Variants in LRIG1 observed in about 807,000 individuals in gnomAD.
The protein encoded by LRIG1 is leucine-rich repeats and immunoglobulin-like domains protein 1.
LRIG1 carries 48 observed loss-of-function variants against 99.2 expected under a neutral mutation model. That is an observed-to-expected ratio of 0.48 (90% CI 0.38 to 0.62). The LOEUF (loss-of-function observed/expected upper bound fraction) is 0.62. Among genes scored for constraint, LRIG1 ranks in the 20% least tolerant of loss-of-function variants. The pLI, the probability that LRIG1 is intolerant of heterozygous loss-of-function variation, is 0.00. For missense variants in LRIG1, 1,646 were observed against 1,434.4 expected, an observed-to-expected ratio of 1.15 and a Z score of -2.38; for synonymous variants, 772 against 596.1, an observed-to-expected ratio of 1.29 and a Z score of -4.30.
chr3:66,438,483 T>A (rs968990527), intron 3 of LRIG1, among the ~76,000 whole-genome samples: 1 of 151,968 alleles, frequency 6.6e-6, no homozygotes, highest in Non-Finnish European at 1.5e-5. Flanking sequence ...GGAACAGAAG[T>A]CACAAAGAGA....
intron 3 of LRIG1, among the ~76,000 whole-genome samples, chr3:66,444,430 A>C (rs1703649590): frequency 6.6e-6 from 1 of 152,204 alleles, no homozygotes; most frequent in Non-Finnish European, 1.5e-5. Context: ...CCACTGTCCC[A>C]AACAAATGCC....
intron 4 of LRIG1, among the ~76,000 whole-genome samples, chr3:66,415,661 A>G (rs1229787600): frequency 6.6e-6 from 1 of 152,202 alleles, no homozygotes; most frequent in African/African-American, 2.4e-5. Context: ...TGGTACCTAC[A>G]CTTACAGCGT....
At chr3:66,496,354 G>A (rs1043491560) in intron 1 of LRIG1, among the ~76,000 whole-genome samples, 1 of 152,048 alleles carries the variant, frequency 6.6e-6, no homozygotes, top group Non-Finnish European at 1.5e-5. Context: ...TAGATATTAC[G>A]GCCACAATTT....
In LRIG1 at chr3:66,416,954, G is replaced by A. The variant is rs76048422; in HGVS notation, c.503+175C>T. 3.0e-3 allele frequency among the ~76,000 whole-genome samples: 452 copies of A among 152,350 alleles called. 2 individuals carry two copies. Among genetic ancestry groups the A allele is most frequent in the African/African-American group, 0.011 (437 of 41,576 alleles). On this transcript the variant is annotated intron_variant, in intron 4 of 18. Transcript: ENST00000273261. ...CAGGATCTGGACGTGCTCTATGCAT[G>A]GGGCTCGCCCCTGCCCTGCTCAGGG...
chr3:66,382,885 T>G, intron 15 of LRIG1, 97 bp downstream of exon 15: 2 of 1,112,088 alleles, frequency 1.8e-6, no homozygotes, highest in South Asian at 1.6e-5. Context: ...CTGAACACAG[T>G]GCAATTCTTT....
intron 3 of LRIG1, 24 bp from the exon 4 acceptor site, chr3:66,417,290 C>G (rs1027241244): frequency 1.2e-6 from 2 of 1,602,426 alleles, no homozygotes; most frequent in African/African-American, 2.7e-5. Context: ...AGGGAGGTGA[C>G]TTGAGCATCT....
chr3:66,440,842 C>A (rs188285899), intron 3 of LRIG1, among the ~76,000 whole-genome samples: 1 of 152,296 alleles, frequency 6.6e-6, no homozygotes, highest in East Asian at 1.9e-4. Flanking sequence ...CCTGAGAGAA[C>A]CTGCCCAGGT....
intron 11 of LRIG1, 44 bp from the exon 12 acceptor site, chr3:66,394,247 G>A: frequency 1.3e-6 from 2 of 1,504,372 alleles, no homozygotes; most frequent in South Asian, 2.7e-5. Context: ...CAGCCGCAAA[G>A]GAGGGACACT....
chr3:66,471,247 G>A (rs1700588686), intron 1 of LRIG1, among the ~76,000 whole-genome samples: 1 of 152,226 alleles, frequency 6.6e-6, no homozygotes, highest in Non-Finnish European at 1.5e-5. Context: ...AGATGGGTCA[G>A]AAGTCTGGTC....
At position 66,381,578 on chromosome 3, in the gene LRIG1, C is replaced by T. The variant is rs1328897211; in HGVS notation, c.2671G>A (p.Ala891Thr). 3.7e-6 allele frequency: 6 copies of T among 1,614,012 alleles called. No individual in the cohort carries two copies. Among genetic ancestry groups the T allele is most frequent in the African/African-American group, 1.3e-5 (1 of 74,916 alleles). Residue 891 changes from alanine (A) to threonine (T), a missense_variant, in exon 17 of 19, where the codon GCC (alanine) becomes ACC (threonine). Physicochemically the swap from Ala to Thr is moderately conservative, Grantham distance 58. Transcript: ENST00000273261. ...HFPEPDTHSV[A>T]CRQPKLCAGS... ...GCACAGAGCTTTGGCTGCCTGCAGG[C>T]AACGCTGTGAGTGTCGGGCTCTGGA... is the stretch of plus-strand genomic sequence containing the variant.
rs570281519 is a variant in LRIG1, at chr3:66,473,808, C to T, written c.219-11299G>A. Among the ~76,000 whole-genome samples the T allele has an allele frequency of 7.2e-5, 11 of 152,350 alleles. No homozygotes were observed. The East Asian group carries it at 2.1e-3, about 29-fold the overall frequency. ...TCAGCCGTCTGGCCCACAGTGAAGT[C>T]ACTGACTTTAATAGCTAGCTTATCG... On this transcript the variant is annotated intron_variant, in intron 1 of 18. Coordinates refer to ENST00000273261, the MANE Select transcript of LRIG1 (RefSeq NM_015541.3).
chr3:66,482,950 T>C (rs1700883935), intron 1 of LRIG1, among the ~76,000 whole-genome samples: 2 of 152,238 alleles, frequency 1.3e-5, no homozygotes, highest in African/African-American at 2.4e-5. Flanking sequence ...TCAGTTGTTT[T>C]TTCTTTTGTA....
chr3:66,473,134 T>A (rs759984118), intron 1 of LRIG1, among the ~76,000 whole-genome samples: 4 of 152,238 alleles, frequency 2.6e-5, no homozygotes. Flanking sequence ...ATAGGTTTCC[T>A]ATATGTCCTA....
In LRIG1 at chr3:66,463,416, T is replaced by G. The variant is rs138295644; in HGVS notation, c.219-907A>C. Reference sequence around the variant, plus strand: ...CCTCACATGAGCAGCTTTCTCAAGATGATGGCGTCTGTGTCAATGGTTCAG... The same window carrying G: ...CCTCACATGAGCAGCTTTCTCAAGAGGATGGCGTCTGTGTCAATGGTTCAG... On this transcript the variant is annotated intron_variant, in intron 1 of 18. Coordinates refer to ENST00000273261, the MANE Select transcript of LRIG1 (RefSeq NM_015541.3). 5.4e-3 allele frequency among the ~76,000 whole-genome samples: 821 copies of G among 152,324 alleles called. 7 individuals are homozygous for G. The highest frequency in any genetic ancestry group is 0.019 in the African/African-American group (781 of 41,574).
rs200503832 is a variant in LRIG1, at chr3:66,382,296, G to C, written c.2594C>G (p.Ala865Gly). Residue 865 changes from alanine (A) to glycine (G), a missense_variant, in exon 16 of 19, where the codon GCC (alanine) becomes GGC (glycine). Ala to Gly is a moderately conservative substitution (Grantham distance 60). Transcript: ENST00000273261. ...ACCATTGCTCTCAATGTGCCCATTG[G>C]CCTGAGGGCCACCCTCGGTCCTGAC... ...TVVRTEGGPQ[A>G]NGHIESNGVC... The C allele has an allele frequency of 5.0e-6, 8 of 1,614,132 alleles. No individual in the cohort carries two copies. The Admixed American group carries it at 8.3e-5, about 17-fold the overall frequency.
intron 1 of LRIG1, among the ~76,000 whole-genome samples, chr3:66,468,734 A>G (rs1316627393): frequency 6.6e-6 from 1 of 152,168 alleles, no homozygotes; most frequent in Non-Finnish European, 1.5e-5. Context: ...GACTCACCAG[A>G]AAAAGGTGGA....
At chr3:66,418,402 C>A (rs1024925412) in intron 3 of LRIG1, among the ~76,000 whole-genome samples, 1 of 152,164 alleles carries the variant, frequency 6.6e-6, no homozygotes, top group African/African-American at 2.4e-5. Context: ...CTGTGCGCAC[C>A]TTTAATCTAC....
intron 2 of LRIG1, 111 bp from the exon 3 acceptor site, chr3:66,451,744 T>C: frequency 1.3e-6 from 1 of 743,228 alleles, no homozygotes; most frequent in East Asian, 2.8e-5. Flanking sequence ...TAAACCTATA[T>C]TCTAATGTTG....
chr3:66,383,098 G>C lies in LRIG1; in HGVS notation c.2375C>G (p.Thr792Arg), dbSNP rs202007714. ...GACAGCAATGGTGAAGATGCCTACC[G>C]TGGTCCCATCCTTCCTGCAGCCTGC... Reference protein sequence around the residue: ...PAAGCRKDGTTVGIFTIAVVS... With the variant: ...PAAGCRKDGTRVGIFTIAVVS... Residue 792 changes from threonine to arginine, a missense_variant, in exon 15 of 19, where the codon ACG (threonine) becomes AGG (arginine). Physicochemically the swap from Thr to Arg is moderately conservative, Grantham distance 71 (BLOSUM62 -1). Transcript: ENST00000273261. The C allele has an allele frequency of 1.2e-6, 2 of 1,614,248 alleles. No individual in the cohort carries two copies. The highest frequency in any genetic ancestry group is 2.7e-5 in the African/African-American group (2 of 75,080).
Sources: allele counts gnomAD v4.1 joint callset (sites outside exome capture counted in the v4.1 genomes callset), GRCh38; gene constraint gnomAD v4.1.1; transcripts MANE v1.5; gene names NCBI Gene and HGNC (gene_info 2026-07-23, HGNC 2026-07-21).